ST7L: variants seen among roughly 807,000 people sequenced by gnomAD.
ST7L encodes the protein suppression of tumorigenicity 7 like.
Under a neutral mutation model 72.5 loss-of-function variants are expected in ST7L, and 57 were observed. The ratio of observed to expected loss-of-function variants is 0.79; its 90% CI spans 0.64 to 0.98. The LOEUF (loss-of-function observed/expected upper bound fraction) is 0.98. Ranked by LOEUF, ST7L falls within the 50% of genes least tolerant of loss-of-function variation. ST7L has a pLI of 0.00. For synonymous variants in ST7L, 221 were observed against 240.9 expected, an observed-to-expected ratio of 0.92 and a Z score of 0.77; for missense variants, 576 against 672.2, an observed-to-expected ratio of 0.86 and a Z score of 1.58.
intron 14 of ST7L, chr1:112,526,969 G>A (rs551088805): frequency 9.2e-5 from 14 of 152,306 alleles, no homozygotes; most frequent in Admixed American, 5.9e-4. Flanking sequence ...ATCCTGCAGA[G>A]AAACCCATGA....
chr1:112,596,726 C>T (rs1025692194), intron 5 of ST7L, among the ~76,000 whole-genome samples: 7 of 152,126 alleles, frequency 4.6e-5, no homozygotes, highest in Admixed American at 2.0e-4. Context: ...CAAACTCCAC[C>T]TCCGGGATTC....
At chr1:112,614,372 G>A (rs1316106109) in intron 2 of ST7L, among the ~76,000 whole-genome samples, 2 of 152,124 alleles carry the variant, frequency 1.3e-5, no homozygotes, top group African/African-American at 4.8e-5. Flanking sequence ...GTAAGCCACC[G>A]TGCCTGGCTT....
chr1:112,536,243 A>G (rs1400964693), intron 14 of ST7L, among the ~76,000 whole-genome samples: 1 of 152,222 alleles, frequency 6.6e-6, no homozygotes, highest in Non-Finnish European at 1.5e-5. Flanking sequence ...AAGTGAAGAA[A>G]TTTATTTTAA....
intron 11 of ST7L, among the ~76,000 whole-genome samples, chr1:112,566,291 C>CTTTTTTTTTTTTTTT (rs1557989059): frequency 9.1e-6 from 1 of 110,232 alleles, no homozygotes. Flanking sequence ...TCTTTTTCTT[C>CTTTTTTTTTTTTTTT]TTCTTCTTTT....
chr1:112,576,435 A>G (rs1482257836), intron 11 of ST7L, among the ~76,000 whole-genome samples: 1 of 152,192 alleles, frequency 6.6e-6, no homozygotes, highest in Non-Finnish European at 1.5e-5. Context: ...ACAAAGATTA[A>G]GCAATAATTT....
chr1:112,602,142 G>A lies in ST7L; in HGVS notation c.452-1294C>T, dbSNP rs538395611. Among the ~76,000 whole-genome samples the A allele has an allele frequency of 6.6e-5, 10 of 151,042 alleles. No homozygotes were observed. In the South Asian group the frequency reaches 1.7e-3, roughly 25 times the overall value. ...AATAGACTGTAAGAAATTGATGAAG[G>A]ACCGTTATGTACTACAGTAAAGAGT... On this transcript the variant is annotated intron_variant, in intron 3 of 14. Coordinates refer to ENST00000358039, the MANE Select transcript of ST7L (RefSeq NM_017744.5).
intron 3 of ST7L, chr1:112,610,323 A>G (rs1558058358): frequency 6.6e-6 from 1 of 152,342 alleles, no homozygotes; most frequent in Non-Finnish European, 1.5e-5. Flanking sequence ...CAGGCTAACA[A>G]AATAGAAGGG....
intron 2 of ST7L, among the ~76,000 whole-genome samples, chr1:112,612,579 G>A (rs748335021): frequency 6.6e-6 from 1 of 152,006 alleles, no homozygotes; most frequent in Non-Finnish European, 1.5e-5. Flanking sequence ...ATGCCACAAC[G>A]TTTATAGGAA....
intron 7 of ST7L, among the ~76,000 whole-genome samples, chr1:112,583,522 G>T (rs908055918): frequency 7.2e-5 from 11 of 152,190 alleles, no homozygotes; most frequent in Non-Finnish European, 1.3e-4. Flanking sequence ...ATCAGATGGT[G>T]TGAAAGGGGC....
At chr1:112,577,880 AG>A (rs1663403221) in intron 10 of ST7L, among the ~76,000 whole-genome samples, 1 of 152,234 alleles carries the variant, frequency 6.6e-6, no homozygotes, top group South Asian at 2.1e-4. Context: ...ATTCACTAAG[AG>A]TAGCCAAAAA....
At chr1:112,550,768 T>C (rs942793948) in intron 12 of ST7L, 75 bp from the exon 13 acceptor site, 18 of 1,227,678 alleles carry the variant, frequency 1.5e-5, no homozygotes, top group South Asian at 9.5e-5. Flanking sequence ...CAAATTTATA[T>C]AGAAATTTCA....
downstream of ST7L, chr1:112,521,446 C>G (rs1254350267): frequency 2.0e-5 from 3 of 151,406 alleles, no homozygotes; most frequent in Non-Finnish European, 4.4e-5. Context: ...GTAAGCAGGT[C>G]TGATCTCAAG....
intron 11 of ST7L, among the ~76,000 whole-genome samples, chr1:112,564,659 A>C (rs1005309928): frequency 1.3e-5 from 2 of 151,998 alleles, no homozygotes; most frequent in Non-Finnish European, 2.9e-5. Context: ...TCTACTAAAA[A>C]TACAAAAATT....
intron 14 of ST7L, chr1:112,540,827 A>T: frequency 7.8e-7 from 1 of 1,289,022 alleles, no homozygotes; most frequent in Non-Finnish European, 1.0e-6. Context: ...CATTTTTGGG[A>T]ATATAATTAA....
At position 112,598,057 on chromosome 1, in the gene ST7L, A is replaced by C. The variant is rs766943437; in HGVS notation, c.536T>G (p.Leu179Arg). The C allele has an allele frequency of 6.2e-7, 1 of 1,613,184 alleles. No homozygotes were observed. The highest frequency in any genetic ancestry group is 1.1e-5 in the South Asian group (1 of 90,864). The change falls in exon 5 of 15, where the codon CTT (leucine) becomes CGT (arginine). Residue 179 changes from leucine to arginine, a missense_variant. Leu to Arg is a moderately radical substitution (Grantham distance 102). Transcript: ENST00000358039. ...TGACAGGTTCATGTCATAGTATGTA[A>C]GTGGCTCTTTACCAGTCACCCAAGT... Reference protein sequence around the residue: ...RYTWVTGKEPLTYYDMNLSAQ... With the variant: ...RYTWVTGKEPRTYYDMNLSAQ...
intron 14 of ST7L, among the ~76,000 whole-genome samples, chr1:112,535,671 C>T (rs986266357): frequency 6.6e-6 from 1 of 150,646 alleles, no homozygotes; most frequent in Admixed American, 6.6e-5. Flanking sequence ...TGCAGTGAGC[C>T]GAGATGGCAC....
chr1:112,544,001 A>G (rs1208049172), intron 13 of ST7L, among the ~76,000 whole-genome samples: 1 of 151,942 alleles, frequency 6.6e-6, no homozygotes, highest in East Asian at 1.9e-4. Flanking sequence ...GTGATTGGAT[A>G]TTTCGTTATC....
chr1:112,536,742 T>A (rs963714879), intron 14 of ST7L, among the ~76,000 whole-genome samples: 1 of 152,062 alleles, frequency 6.6e-6, no homozygotes, highest in South Asian at 2.1e-4. Flanking sequence ...CAGCCAATTA[T>A]GAGTTGCTCA....
chr1:112,531,606 A>G (rs1654392345), intron 14 of ST7L, among the ~76,000 whole-genome samples: 1 of 152,212 alleles, frequency 6.6e-6, no homozygotes, highest in Non-Finnish European at 1.5e-5. Flanking sequence ...AAATAAATGA[A>G]TATTCAAGGA....
Sources: allele counts gnomAD v4.1 joint callset (sites outside exome capture counted in the v4.1 genomes callset), GRCh38; gene constraint gnomAD v4.1.1; transcripts MANE v1.5; gene names NCBI Gene and HGNC (gene_info 2026-07-23, HGNC 2026-07-21).